The following CHKB variants were observed in gnomAD, a reference collection of about 807,000 sequenced individuals.
CHKB encodes choline kinase beta.
A neutral mutation model predicts 57.3 loss-of-function variants in CHKB; 45 were observed. That is an observed-to-expected ratio of 0.79 (90% CI 0.62 to 1.01). CHKB has a LOEUF of 1.01. Among genes scored for constraint, CHKB ranks in the 50% least tolerant of loss-of-function variants. The pLI is 0.00. For synonymous variants in CHKB, 224 were observed against 201.8 expected (o/e 1.11, Z -0.93); for missense variants, 517 against 502.8 (o/e 1.03, Z -0.27).
In CHKB at chr22:50,578,993, A is replaced by G. The variant is rs1321076471; in HGVS notation, c.*188T>C. The G allele has an allele frequency of 9.1e-6, 6 of 658,018 alleles. No individual in the cohort carries two copies. Among genetic ancestry groups the G allele is most frequent in the Middle Eastern group, 4.0e-4 (1 of 2,484 alleles). 40.8% of individuals were successfully genotyped at this position (658,018 alleles called of 1,614,324 possible). On this transcript the variant is annotated 3_prime_UTR_variant, in exon 11 of 11. Coordinates refer to ENST00000406938, the MANE Select transcript of CHKB (RefSeq NM_005198.5). ...AGAAGAAGCTTGTTTATTGTGTTAC[A>G]TACACAGCACGGGGCTCTGGCCTGC...
Position 50,580,216 on chromosome 22 carries a change from G to A in CHKB, c.792C>T (p.Asp264=), listed in dbSNP as rs1295356661. ...TATAGTTATAACTGCTGTACTCGAAGTCCACCAGCATGAGGCTGTCAGCAT... is the reference window on the plus strand; with the variant it reads ...TATAGTTATAACTGCTGTACTCGAAATCCACCAGCATGAGGCTGTCAGCAT... ...PENADSLMLV[D]FEYSSYNYRG... is the part of the protein sequence containing the mutation. Residue 264 remains aspartate (D), a synonymous_variant, in exon 7 of 11, where the codon GAC becomes GAT. Coordinates refer to ENST00000406938, the MANE Select transcript of CHKB (RefSeq NM_005198.5). 6.2e-7 allele frequency: 1 copy of A among 1,613,792 alleles called. No homozygotes were observed. The highest frequency in any genetic ancestry group is 1.3e-5 in the African/African-American group (1 of 74,920).
chr22:50,579,531 G>A, intron 9 of CHKB, 24 bp from the exon 10 acceptor site: 1 of 1,611,642 alleles, frequency 6.2e-7, no homozygotes, highest in Non-Finnish European at 8.5e-7. Flanking sequence ...AGGAAAAGGA[G>A]GGGCATTCAA....
At position 50,579,123 on chromosome 22, in the gene CHKB, C is replaced by T. The variant is rs2070610664; in HGVS notation, c.*58G>A. 3.9e-6 allele frequency: 6 copies of T among 1,525,518 alleles called. No homozygotes were observed. Among genetic ancestry groups the T allele is most frequent in the Non-Finnish European group, 4.5e-6 (5 of 1,108,992 alleles). The allele number at this position is 1,525,518 out of a possible 1,614,324, so 94.5% of individuals were successfully genotyped here. A position where few individuals can be genotyped will look rare whatever the true frequency, so the allele number is the denominator to read the frequency against. ...CCAGGGCCTTCTGCTCGTTGTTCCT[C>T]CCTCCAAGGTCCTGCCCTGGAGGCT... On this transcript the variant is annotated 3_prime_UTR_variant, in exon 11 of 11. Coordinates refer to ENST00000406938, the MANE Select transcript of CHKB (RefSeq NM_005198.5).
In CHKB at chr22:50,581,537, G is replaced by A. The variant is rs950085207; in HGVS notation, c.464C>T (p.Thr155Ile). 3 of 1,613,968 alleles carry A rather than the reference G, an allele frequency of 1.9e-6. No homozygotes were observed. Among genetic ancestry groups the A allele is most frequent in the Non-Finnish European group, 2.5e-6 (3 of 1,180,020 alleles). ...CAACACTGGCTCTCGAAGCTCTTGAGTTTTCAATGGCCGACTCTGCACCCA... is the reference window on the plus strand; with the variant it reads ...CAACACTGGCTCTCGAAGCTCTTGAATTTTCAATGGCCGACTCTGCACCCA... ...EQYIPSRPLK[T>I]QELREPVLSA... Residue 155 changes from threonine to isoleucine, a missense_variant, in exon 4 of 11, where the codon ACT (threonine) becomes ATT (isoleucine). Coordinates refer to ENST00000406938, the MANE Select transcript of CHKB (RefSeq NM_005198.5).
intron 9 of CHKB, 86 bp from the exon 10 acceptor site, chr22:50,579,593 C>G: frequency 2.0e-6 from 3 of 1,529,364 alleles, no homozygotes; most frequent in Non-Finnish European, 2.7e-6. Context: ...CCAATCCCTA[C>G]AGTTTTAACT....
intron 4 of CHKB, 143 bp downstream of exon 4, chr22:50,581,277 G>A (rs1033154151): frequency 7.1e-6 from 8 of 1,131,506 alleles, no homozygotes; most frequent in Non-Finnish European, 1.0e-5. Flanking sequence ...TGTGGCCTCT[G>A]GCAAGCATTT....
At chr22:50,580,316 C>T in intron 6 of CHKB, 42 bp downstream of exon 6, 2 of 1,613,758 alleles carry the variant, frequency 1.2e-6, no homozygotes, top group East Asian at 4.5e-5. Context: ...AGCCCTCTGG[C>T]TCTTCCATCT....
intron 7 of CHKB, 53 bp from the exon 8 acceptor site, chr22:50,580,135 G>GT: frequency 6.2e-7 from 1 of 1,613,102 alleles, no homozygotes; most frequent in East Asian, 2.2e-5. Context: ...CAGCTGGCCT[G>GT]TTTTCAAGAG....
At chr22:50,581,990 T>TAG in intron 2 of CHKB, 128 bp from the exon 3 acceptor site, 1 of 877,004 alleles carries the variant, frequency 1.1e-6, no homozygotes, top group Non-Finnish European at 1.9e-6. Flanking sequence ...GCACAGGCTT[T>TAG]AGCGTTGGTC....
At position 50,580,208 on chromosome 22, in the gene CHKB, T is replaced by C; in HGVS notation, c.800A>G (p.Tyr267Cys). Residue 267 changes from tyrosine to cysteine, a missense_variant, in exon 7 of 11, where the codon TAC becomes TGC. Transcript: ENST00000406938. ...ADSLMLVDFE[Y>C]SSYNYRGFDI... ...GCCTCACCTATAGTTATAACTGCTG[T>C]ACTCGAAGTCCACCAGCATGAGGCT... The C allele has an allele frequency of 6.2e-7, 1 of 1,613,894 alleles. No homozygotes were observed. Among genetic ancestry groups the C allele is most frequent in the Non-Finnish European group, 8.5e-7 (1 of 1,179,910 alleles).
chr22:50,582,307 G>GGC lies in CHKB; in HGVS notation c.273_274dup (p.Pro92ArgfsTer28). On this transcript the variant is annotated frameshift_variant, in exon 2 of 11. Transcript: ENST00000406938. LOFTEE classifies it high-confidence loss of function. ...CTCCCGGGGCTCCTCGCCAACGCTG[G>GGC]GCAGGTGGTCCGGGAGCGAGCAGCG... 6.3e-7 allele frequency: 1 copy of GGC among 1,591,840 alleles called. No individual in the cohort carries two copies. The highest frequency in any genetic ancestry group is 8.5e-7 in the Non-Finnish European group (1 of 1,171,726).
In CHKB at chr22:50,579,399, A is replaced by G. The variant is rs2070623330; in HGVS notation, c.1113+27T>C. The G allele has an allele frequency of 7.5e-6, 12 of 1,606,872 alleles. No homozygotes were observed. In the African/African-American group the frequency reaches 8.0e-5, roughly 11 times the overall value. On this transcript the variant is annotated intron_variant, in intron 10 of 10. Transcript: ENST00000406938. Reference sequence around the variant, plus strand: ...GCTGCTGCTCCCCAGCCCCCCAGCTAGCATTCCCATCCCCAGGGTCACTTA... The same window carrying G: ...GCTGCTGCTCCCCAGCCCCCCAGCTGGCATTCCCATCCCCAGGGTCACTTA...
chr22:50,582,197 T>G, intron 2 of CHKB, 52 bp downstream of exon 2: 1 of 1,476,056 alleles, frequency 6.8e-7, no homozygotes, highest in Admixed American at 2.0e-5. Context: ...CCGCATCGCG[T>G]AAGCGACAGG....
chr22:50,582,412 C>T lies in CHKB; in HGVS notation c.225-55G>A, dbSNP rs894691937. 7.4e-6 allele frequency: 11 copies of T among 1,491,404 alleles called. No homozygotes were observed. The Admixed American group carries it at 8.5e-5, about 12-fold the overall frequency. 92.4% of individuals were successfully genotyped at this position (1,491,404 alleles called of 1,614,324 possible). A position where few individuals can be genotyped will look rare whatever the true frequency, so the allele number is the denominator to read the frequency against. ...CGCGGCCGGCCCTACCTGCCGCGGC[C>T]CCGGCCCCCTCCCGGCCAGGCCGGC... On this transcript the variant is annotated intron_variant, in intron 1 of 10. Transcript: ENST00000406938.
intron 3 of CHKB, 51 bp downstream of exon 3, chr22:50,581,698 G>A (rs1188868756): frequency 6.3e-7 from 1 of 1,584,584 alleles, no homozygotes; most frequent in Non-Finnish European, 8.7e-7. Context: ...CTGGGGTAGG[G>A]TTAGGGGGTG....
At chr22:50,579,903 A>G in intron 8 of CHKB, 71 bp downstream of exon 8, 1 of 1,598,160 alleles carries the variant, frequency 6.3e-7, no homozygotes, top group Non-Finnish European at 8.6e-7. Context: ...CTTTCCGGCC[A>G]TTCCTTCCAG....
rs751176079 is a variant in CHKB, at chr22:50,579,724, C to G, written c.1031+3G>C. On this transcript the variant is annotated splice_donor_region_variant and intron_variant, in intron 9 of 10. Coordinates refer to ENST00000406938, the MANE Select transcript of CHKB (RefSeq NM_005198.5). Reference sequence around the variant, plus strand: ...CTACCCCACCCTGCCCCTCCTTCCTCACCGACTGACTTCTACCAGCAAATC... The same window carrying G: ...CTACCCCACCCTGCCCCTCCTTCCTGACCGACTGACTTCTACCAGCAAATC... The G allele has an allele frequency of 6.2e-6, 10 of 1,613,172 alleles. No individual in the cohort carries two copies. Among genetic ancestry groups the G allele is most frequent in the Admixed American group, 5.0e-5 (3 of 60,026 alleles).
chr22:50,582,379 G>A, intron 1 of CHKB, 22 bp from the exon 2 acceptor site: 3 of 1,532,130 alleles, frequency 2.0e-6, no homozygotes, highest in Non-Finnish European at 2.6e-6. Context: ...CACCAGGCGC[G>A]CTCAGCCCGC....
chr22:50,582,417 C>G (rs1569054623), intron 1 of CHKB, 60 bp from the exon 2 acceptor site: 2 of 1,484,992 alleles, frequency 1.3e-6, no homozygotes, highest in East Asian at 2.7e-5. Flanking sequence ...GCGGCCCCGG[C>G]CCCCTCCCGG....
Sources: gnomAD v4.1 joint callset for allele counts on GRCh38, gnomAD v4.1.1 for gene constraint, MANE v1.5 for transcripts, NCBI Gene and HGNC (gene_info 2026-07-23, HGNC 2026-07-21) for gene names.